The following DDAH1 variants were observed in gnomAD, a reference collection of about 807,000 sequenced individuals.
DDAH1 encodes dimethylarginine dimethylaminohydrolase 1.
In DDAH1, 19 loss-of-function variants were observed where a neutral mutation model predicts 28.8. That is an observed-to-expected ratio of 0.66 (90% confidence interval 0.46 to 0.97). The LOEUF (loss-of-function observed/expected upper bound fraction) is 0.97. DDAH1 is among the 50% of genes least tolerant of loss of function. The probability of loss-of-function intolerance (pLI) is 0.00; values close to 1 mark genes in which losing one functional copy is unlikely to be tolerated. For synonymous variants in DDAH1, 153 were observed against 154.4 expected (o/e 0.99, Z 0.07); for missense variants, 326 against 375.9 (o/e 0.87, Z 1.10).
At chr1:85,351,786 G>C (rs1649225597) in intron 2 of DDAH1, among the ~76,000 whole-genome samples, 1 of 152,090 alleles carries the variant, frequency 6.6e-6, no homozygotes, top group African/African-American at 2.4e-5. Context: ...AAAGCAGGAT[G>C]GTGGTTTCCA....
intron 4 of DDAH1, among the ~76,000 whole-genome samples, chr1:85,326,247 G>A (rs551433109): frequency 1.3e-5 from 2 of 152,314 alleles, no homozygotes; most frequent in South Asian, 2.1e-4. Context: ...CCTTCACATG[G>A]AATGAAACAT....
chr1:85,340,318 T>C (rs765572863), intron 4 of DDAH1, among the ~76,000 whole-genome samples: 4 of 152,200 alleles, frequency 2.6e-5, no homozygotes, highest in Non-Finnish European at 5.9e-5. Flanking sequence ...CAATTTTTGA[T>C]GGTCTGTTCC....
intron 1 of DDAH1, among the ~76,000 whole-genome samples, chr1:85,393,626 G>A (rs1651668115): frequency 1.3e-5 from 2 of 152,216 alleles, no homozygotes; most frequent in African/African-American, 2.4e-5. Flanking sequence ...TTTACAGTGA[G>A]AAAGACATTG....
intron 1 of DDAH1, among the ~76,000 whole-genome samples, chr1:85,523,826 G>T (rs576671473): frequency 1.3e-5 from 2 of 152,296 alleles, no homozygotes; most frequent in African/African-American, 4.8e-5. Flanking sequence ...CAGGAGTAAA[G>T]CTGCTATTGT....
intron 1 of DDAH1, among the ~76,000 whole-genome samples, chr1:85,546,476 A>G (rs1365717527): frequency 1.3e-5 from 2 of 152,204 alleles, no homozygotes; most frequent in Non-Finnish European, 2.9e-5. Flanking sequence ...CAGCAGCACA[A>G]AATGAACTAA....
At chr1:85,546,149 C>G (rs1379352008) in intron 1 of DDAH1, among the ~76,000 whole-genome samples, 1 of 147,348 alleles carries the variant, frequency 6.8e-6, no homozygotes, top group African/African-American at 2.5e-5. Flanking sequence ...AAAAAACATG[C>G]GTTGGAAACT....
intron 1 of DDAH1, among the ~76,000 whole-genome samples, chr1:85,406,778 T>C (rs1171769928): frequency 6.6e-6 from 1 of 152,074 alleles, no homozygotes. Flanking sequence ...GAATATACTA[T>C]AAACATTCAT....
intron 1 of DDAH1, among the ~76,000 whole-genome samples, chr1:85,458,424 C>CTTTTTTT (rs3058826): frequency 9.8e-6 from 1 of 101,760 alleles, no homozygotes; most frequent in African/African-American, 3.9e-5. Flanking sequence ...TACACACACA[C>CTTTTTTT]TTTTTTTTTT....
intron 4 of DDAH1, among the ~76,000 whole-genome samples, chr1:85,326,874 G>C (rs1316668316): frequency 2.6e-5 from 4 of 152,172 alleles, no homozygotes; most frequent in Admixed American, 6.5e-5. Context: ...CAATTAAGAA[G>C]TTAAAGACAC....
intron 1 of DDAH1, among the ~76,000 whole-genome samples, chr1:85,407,933 A>G (rs1372616534): frequency 6.6e-6 from 1 of 152,144 alleles, no homozygotes; most frequent in Non-Finnish European, 1.5e-5. Context: ...AGGGGCAAGT[A>G]TTATTTCTCC....
At chr1:85,375,639 T>C (rs970823132) in intron 1 of DDAH1, among the ~76,000 whole-genome samples, 3 of 152,136 alleles carry the variant, frequency 2.0e-5, no homozygotes, top group East Asian at 1.9e-4. Flanking sequence ...CTTTCCTTTA[T>C]ACCAACTTGC....
chr1:85,553,389 G>A (rs1416922847), intron 1 of DDAH1, among the ~76,000 whole-genome samples: 1 of 152,206 alleles, frequency 6.6e-6, no homozygotes, highest in East Asian at 1.9e-4. Flanking sequence ...TATTCCTAAA[G>A]CTAACCAGTC....
At position 85,373,640 on chromosome 1, in the gene DDAH1, C is replaced by T. The variant is rs553987881; in HGVS notation, c.304-14793G>A. The stretch of plus-strand genomic sequence containing the variant: ...ATTGCCTGAGACCTCCCCAGTCATG[C>T]GGAACTGTGAATCAAATAAATCTCT... On this transcript the variant is annotated intron_variant, in intron 1 of 5. Transcript: ENST00000284031. Among the ~76,000 whole-genome samples the T allele has an allele frequency of 1.4e-4, 21 of 152,192 alleles. No homozygotes were observed. The South Asian group carries it at 4.2e-3, about 30-fold the overall frequency.
At chr1:85,497,158 C>T (rs890011275) in intron 1 of DDAH1, among the ~76,000 whole-genome samples, 1 of 152,176 alleles carries the variant, frequency 6.6e-6, no homozygotes, top group Admixed American at 6.5e-5. Flanking sequence ...AACTGGAAGG[C>T]CAGCCACAGG....
At chr1:85,478,644 A>G (rs563829032) in intron 2 of DDAH1, among the ~76,000 whole-genome samples, 77 of 152,356 alleles carry the variant, frequency 5.1e-4, no homozygotes, top group African/African-American at 1.9e-3. Flanking sequence ...ACTAAAATTC[A>G]AGATGATATT....
intron 2 of DDAH1, among the ~76,000 whole-genome samples, chr1:85,475,357 G>A (rs1286472277): frequency 6.6e-6 from 1 of 152,142 alleles, no homozygotes; most frequent in Admixed American, 6.5e-5. Flanking sequence ...AAAAGAAGAA[G>A]ATATGCAAAG....
chr1:85,431,387 G>C lies in DDAH1; in HGVS notation c.303+33356C>G, dbSNP rs146846495. Reference sequence around the variant, plus strand: ...TTTTAGTCCTGCTAAGGATAGCTAGGACAGTTGTGCAGGGCACCTGACAAA... The same window carrying C: ...TTTTAGTCCTGCTAAGGATAGCTAGCACAGTTGTGCAGGGCACCTGACAAA... On this transcript the variant is annotated intron_variant, in intron 1 of 5. Transcript: ENST00000284031. 7.1e-4 allele frequency among the ~76,000 whole-genome samples: 108 copies of C among 152,232 alleles called. 1 individual carries two copies. The highest frequency in any genetic ancestry group is 6.8e-3 in the Middle Eastern group (2 of 294).
chr1:85,339,656 TG>T (rs35444469), intron 4 of DDAH1, among the ~76,000 whole-genome samples: 38 of 152,276 alleles, frequency 2.5e-4, no homozygotes, highest in African/African-American at 8.9e-4. Flanking sequence ...TGTCATGTAG[TG>T]GGGAAGTTTT....
intron 1 of DDAH1, among the ~76,000 whole-genome samples, chr1:85,556,781 A>C (rs1368973461): frequency 1.3e-5 from 2 of 152,252 alleles, no homozygotes; most frequent in African/African-American, 4.8e-5. Context: ...TTGACTGTTC[A>C]GTATCCCTTA....
Sources: allele counts gnomAD v4.1 joint callset (sites outside exome capture counted in the v4.1 genomes callset), GRCh38; gene constraint gnomAD v4.1.1; transcripts MANE v1.5; gene names NCBI Gene and HGNC (gene_info 2026-07-23, HGNC 2026-07-21).